The following AUTS2 variants were observed in gnomAD, a reference collection of about 807,000 sequenced individuals.
AUTS2 encodes the protein activator of transcription and developmental regulator AUTS2.
AUTS2 carries 17 observed loss-of-function variants against 112.4 expected under a neutral mutation model. The observed-to-expected ratio is 0.15, with a 90% confidence interval of 0.10 to 0.23. AUTS2 has a LOEUF of 0.23. Ranked by LOEUF, AUTS2 falls within the 10% of genes least tolerant of loss-of-function variation. The pLI is 1.00. For missense variants in AUTS2, 1,510 were observed against 1,701.6 expected, an observed-to-expected ratio of 0.89 and a Z score of 1.98; for synonymous variants, 751 against 702.7, an observed-to-expected ratio of 1.07 and a Z score of -1.09.
intron 2 of AUTS2, among the ~76,000 whole-genome samples, chr7:70,110,603 A>C (rs936004464): frequency 6.6e-6 from 1 of 152,154 alleles, no homozygotes; most frequent in Non-Finnish European, 1.5e-5. Context: ...CCTTTAAATA[A>C]TGTGCATGTT....
At chr7:69,869,506 G>A (rs1207639122) in intron 1 of AUTS2, among the ~76,000 whole-genome samples, 1 of 151,230 alleles carries the variant, frequency 6.6e-6, no homozygotes, top group African/African-American at 2.4e-5. Context: ...AACAAAGTTT[G>A]AACTTTTTGA....
rs1266769373 is a variant in AUTS2, at chr7:70,348,621, G to A, written c.661-87131G>A. Among the ~76,000 whole-genome samples, 7 of 152,082 alleles carry A rather than the reference G, an allele frequency of 4.6e-5. No homozygotes were observed. The East Asian group carries it at 5.8e-4, about 13-fold the overall frequency. Reference sequence around the variant, plus strand: ...AGATCGAGACCATCCTGGCTAACACGGTGAAACCCCGTCTCTACTAAAAAA... The same window carrying A: ...AGATCGAGACCATCCTGGCTAACACAGTGAAACCCCGTCTCTACTAAAAAA... On this transcript the variant is annotated intron_variant, in intron 4 of 18. Coordinates refer to ENST00000342771, the MANE Select transcript of AUTS2 (RefSeq NM_015570.4).
chr7:70,703,898 T>C (rs1403301854), intron 6 of AUTS2, among the ~76,000 whole-genome samples: 1 of 152,164 alleles, frequency 6.6e-6, no homozygotes, highest in African/African-American at 2.4e-5. Context: ...TATTTAAGGG[T>C]AATTGGTACT....
intron 4 of AUTS2, among the ~76,000 whole-genome samples, chr7:70,270,618 T>C (rs1040306113): frequency 4.6e-5 from 7 of 152,182 alleles, no homozygotes; most frequent in Admixed American, 3.3e-4. Flanking sequence ...TCTGATTTGC[T>C]AACTCATTGC....
chr7:70,087,967 ATTTC>A (rs1803697844), intron 2 of AUTS2, among the ~76,000 whole-genome samples: 1 of 146,676 alleles, frequency 6.8e-6, no homozygotes, highest in South Asian at 2.1e-4. Context: ...GAGATTTATT[ATTTC>A]TTTAATATTT....
chr7:70,228,564 T>C (rs1308644557), intron 4 of AUTS2, among the ~76,000 whole-genome samples: 1 of 151,904 alleles, frequency 6.6e-6, no homozygotes, highest in African/African-American at 2.4e-5. Flanking sequence ...TCATTTTTGC[T>C]CTATGAAAAT....
intron 1 of AUTS2, among the ~76,000 whole-genome samples, chr7:69,839,489 C>T (rs191749433): frequency 3.9e-5 from 6 of 152,184 alleles, no homozygotes; most frequent in Admixed American, 1.3e-4. Context: ...CCCCAAGTTT[C>T]TTCTATAATA....
intron 5 of AUTS2, among the ~76,000 whole-genome samples, chr7:70,545,509 G>A (rs557175308): frequency 6.6e-6 from 1 of 152,248 alleles, no homozygotes; most frequent in African/African-American, 2.4e-5. Flanking sequence ...GCTTTAGATG[G>A]TGCTCCAGTG....
chr7:70,399,700 G>A (rs911900640), intron 4 of AUTS2, among the ~76,000 whole-genome samples: 1 of 151,464 alleles, frequency 6.6e-6, no homozygotes, highest in African/African-American at 2.4e-5. Flanking sequence ...CAGCAATGAA[G>A]GTAATTATTA....
At chr7:70,608,650 C>T (rs1033563426) in intron 5 of AUTS2, among the ~76,000 whole-genome samples, 5 of 152,186 alleles carry the variant, frequency 3.3e-5, no homozygotes, top group African/African-American at 4.8e-5. Flanking sequence ...TTAGAGCTTC[C>T]GTGTCCCACA....
At chr7:70,029,678 A>T (rs1434978293) in intron 2 of AUTS2, among the ~76,000 whole-genome samples, 1 of 152,180 alleles carries the variant, frequency 6.6e-6, no homozygotes, top group Non-Finnish European at 1.5e-5. Flanking sequence ...AAGTATAGTA[A>T]GTATATTGGT....
At position 69,894,170 on chromosome 7, in the gene AUTS2, G is replaced by A. The variant is rs376606524; in HGVS notation, c.310-5116G>A. Among the ~76,000 whole-genome samples, 16 of 149,772 alleles carry A rather than the reference G, an allele frequency of 1.1e-4. No homozygotes were observed. In the South Asian group the frequency reaches 3.4e-3, roughly 32 times the overall value. On this transcript the variant is annotated intron_variant, in intron 1 of 18. Transcript: ENST00000342771. ...TATGTCTAAATCTTTTTGCCTCTCAGCCAGCCTCTTGTTGGTGGCTCCCTG... is the reference window on the plus strand; with the variant it reads ...TATGTCTAAATCTTTTTGCCTCTCAACCAGCCTCTTGTTGGTGGCTCCCTG...
chr7:70,131,945 A>G (rs907436658), intron 3 of AUTS2, among the ~76,000 whole-genome samples: 5 of 151,874 alleles, frequency 3.3e-5, no homozygotes, highest in South Asian at 2.1e-4. Flanking sequence ...GACAAGCAGA[A>G]GTCTCTTTAT....
intron 1 of AUTS2, among the ~76,000 whole-genome samples, chr7:69,734,847 G>C (rs1021700818): frequency 2.6e-5 from 4 of 152,146 alleles, no homozygotes; most frequent in Non-Finnish European, 2.9e-5. Context: ...GGTCTTCTCA[G>C]TTGAGAGTTT....
intron 1 of AUTS2, among the ~76,000 whole-genome samples, chr7:69,699,294 T>TG: frequency 6.6e-6 from 1 of 152,228 alleles, no homozygotes; most frequent in East Asian, 1.9e-4. Flanking sequence ...CCTGGACCTA[T>TG]GTGCCCCATT....
At chr7:70,741,645 C>T (rs1300059949) in intron 6 of AUTS2, among the ~76,000 whole-genome samples, 5 of 149,456 alleles carry the variant, frequency 3.3e-5, no homozygotes, top group African/African-American at 9.9e-5. Flanking sequence ...GAGCCAAGAT[C>T]GTGTCATTGC....
At chr7:70,769,202 G>C (rs1221724475) in intron 10 of AUTS2, among the ~76,000 whole-genome samples, 1 of 152,152 alleles carries the variant, frequency 6.6e-6, no homozygotes, top group Non-Finnish European at 1.5e-5. Context: ...GTGTATTTGA[G>C]TGATGCCTCC....
chr7:70,236,828 G>A (rs1201731846), intron 4 of AUTS2, among the ~76,000 whole-genome samples: 1 of 152,134 alleles, frequency 6.6e-6, no homozygotes, highest in African/African-American at 2.4e-5. Flanking sequence ...TTGGCAGAAA[G>A]CATTATGGAT....
At chr7:70,596,298 C>T (rs1235911922) in intron 5 of AUTS2, 1 of 152,148 alleles carries the variant, frequency 6.6e-6, no homozygotes, top group Non-Finnish European at 1.5e-5. Context: ...CTCGTTCCAG[C>T]TCCAGTGCGG....
Sources: gnomAD v4.1 joint callset for allele counts (sites outside exome capture counted in the v4.1 genomes callset) on GRCh38, gnomAD v4.1.1 for gene constraint, MANE v1.5 for transcripts, NCBI Gene and HGNC (gene_info 2026-07-23, HGNC 2026-07-21) for gene names.